OGDH: variants seen among roughly 807,000 people sequenced by gnomAD.
OGDH encodes the protein oxoglutarate dehydrogenase, also known as 2-oxoglutarate dehydrogenase complex component E1.
Under a neutral mutation model 116.6 loss-of-function variants are expected in OGDH, and 38 were observed. The ratio of observed to expected loss-of-function variants is 0.33; its 90% CI spans 0.25 to 0.43. The LOEUF (loss-of-function observed/expected upper bound fraction) is 0.43. OGDH is among the 20% of genes least tolerant of loss of function. The pLI is 1.00. For synonymous variants in OGDH, 488 were observed against 533.3 expected, an observed-to-expected ratio of 0.92 and a Z score of 1.17; for missense variants, 825 against 1,357.2, an observed-to-expected ratio of 0.61 and a Z score of 6.16.
intron 2 of OGDH, among the ~76,000 whole-genome samples, chr7:44,641,613 T>C (rs1430455824): frequency 6.6e-6 from 1 of 152,172 alleles, no homozygotes; most frequent in Non-Finnish European, 1.5e-5. Flanking sequence ...CTGCTCAGTT[T>C]CCTGCTGTAT....
chr7:44,640,451 T>G (rs1454755277), intron 2 of OGDH, among the ~76,000 whole-genome samples: 1 of 152,100 alleles, frequency 6.6e-6, no homozygotes, highest in East Asian at 1.9e-4. Context: ...TTTTTTTTGT[T>G]TTGTTTTGTT....
At chr7:44,680,539 TACACACACACACACACACACAC>T (rs56718274) in intron 9 of OGDH, among the ~76,000 whole-genome samples, 2 of 145,850 alleles carry the variant, frequency 1.4e-5, no homozygotes, top group Non-Finnish European at 1.5e-5. Flanking sequence ...TTTTATTGCA[TACACACACACACACACACACAC>T]ACACACACAC....
chr7:44,621,925 T>C (rs1340121149), intron 1 of OGDH, among the ~76,000 whole-genome samples: 1 of 151,970 alleles, frequency 6.6e-6, no homozygotes, highest in Admixed American at 6.6e-5. Context: ...CACTTAACTA[T>C]GTGTCAGATT....
chr7:44,694,075 G>C lies in OGDH; in HGVS notation c.1515+71G>C. 1 of 1,486,110 alleles carries C rather than the reference G, an allele frequency of 6.7e-7. No individual in the cohort carries two copies. The highest frequency in any genetic ancestry group is 9.1e-7 in the Non-Finnish European group (1 of 1,098,960). The allele number at this position is 1,486,110 out of a possible 1,614,324, so 92.1% of individuals were successfully genotyped here. On this transcript the variant is annotated intron_variant, in intron 11 of 22. Coordinates refer to ENST00000222673, the MANE Select transcript of OGDH (RefSeq NM_002541.4). The surrounding 1 kb of genome is among the most constrained non-coding windows in gnomAD (Gnocchi z 4.2). Reference sequence around the variant, plus strand: ...CACCCCTCTTGCCCTCGGCACCCCTGTGTCCCAAGGAGAGGAGCTTGTCTA... The same window carrying C: ...CACCCCTCTTGCCCTCGGCACCCCTCTGTCCCAAGGAGAGGAGCTTGTCTA...
rs1164825352 is a variant in OGDH, at chr7:44,624,556, T to C, written c.213T>C (p.Ser71=). The C allele has an allele frequency of 2.5e-6, 4 of 1,613,278 alleles. No homozygotes were observed. Among genetic ancestry groups the C allele is most frequent in the Non-Finnish European group, 3.4e-6 (4 of 1,179,942 alleles). ...MYCAWLENPK[S]VHKSWDIFFR... is the part of the protein sequence containing the mutation. ...GTGCTTGGCTGGAAAACCCCAAAAG[T>C]GTACATAAGGTAAGGCTCGCAGGGC... Residue 71 remains serine, a synonymous_variant, in exon 2 of 23, where the codon AGT becomes AGC. Transcript: ENST00000222673.
intron 2 of OGDH, among the ~76,000 whole-genome samples, chr7:44,636,545 A>C (rs912249353): frequency 7.9e-5 from 12 of 152,366 alleles, no homozygotes; most frequent in Middle Eastern, 3.4e-3. Context: ...GCTCCCTCAG[A>C]AAGGAGGCTG....
At chr7:44,691,937 G>A (rs1483700450) in intron 10 of OGDH, among the ~76,000 whole-genome samples, 2 of 144,438 alleles carry the variant, frequency 1.4e-5, no homozygotes, top group African/African-American at 5.4e-5. Flanking sequence ...AAGCAGAGGT[G>A]CACCACTGCA....
chr7:44,689,392 CTTTTTTTTTTTTTT>C (rs561058807), intron 10 of OGDH, among the ~76,000 whole-genome samples: 32 of 71,270 alleles, frequency 4.5e-4, no homozygotes, highest in African/African-American at 1.8e-3. Flanking sequence ...ATTTTTTTTT[CTTTTTTTTTTTTTT>C]TTTTTTTTTT....
chr7:44,657,082 G>A (rs1393858255), intron 4 of OGDH, among the ~76,000 whole-genome samples: 1 of 152,112 alleles, frequency 6.6e-6, no homozygotes, highest in African/African-American at 2.4e-5. Flanking sequence ...ATATGCACTT[G>A]TGACAAATAA....
At chr7:44,629,635 A>G (rs1049683215) in intron 2 of OGDH, among the ~76,000 whole-genome samples, 2 of 136,536 alleles carry the variant, frequency 1.5e-5, no homozygotes, top group Admixed American at 8.1e-5. Context: ...TCTGGAGTGC[A>G]GTGGCGCAGT....
intron 4 of OGDH, among the ~76,000 whole-genome samples, chr7:44,652,371 A>G (rs190140674): frequency 2.2e-3 from 342 of 152,216 alleles, no homozygotes; most frequent in Non-Finnish European, 3.5e-3. Context: ...CAGCCTCCCA[A>G]AGTGCTGGGA....
Position 44,707,538 on chromosome 7 carries a change from C to T in OGDH, c.2797-44C>T, listed in dbSNP as rs769880613. ...TTTCCCTTTGCTGGATCTTGCCTGCCCTCTGAGTTTCCTCTTTTTGATCTG... is the reference window on the plus strand; with the variant it reads ...TTTCCCTTTGCTGGATCTTGCCTGCTCTCTGAGTTTCCTCTTTTTGATCTG... On this transcript the variant is annotated intron_variant, in intron 21 of 22. Transcript: ENST00000222673. This position sits in a 1 kb window ranked among gnomAD's most constrained non-coding sequence, Gnocchi z 5.2. 2.5e-6 allele frequency: 4 copies of T among 1,609,078 alleles called. No homozygotes were observed. The highest frequency in any genetic ancestry group is 2.5e-6 in the Non-Finnish European group (3 of 1,177,828).
chr7:44,700,318 T>A, intron 19 of OGDH, 49 bp downstream of exon 19: 1 of 1,607,052 alleles, frequency 6.2e-7, no homozygotes, highest in Non-Finnish European at 8.5e-7. Context: ...CCCTGCCCTG[T>A]TGGTGCAGGG....
intron 4 of OGDH, among the ~76,000 whole-genome samples, chr7:44,666,033 G>A (rs1223838378): frequency 6.6e-6 from 1 of 152,198 alleles, no homozygotes. Flanking sequence ...ATTGGAGTCA[G>A]GAGATGGGAG....
intron 2 of OGDH, among the ~76,000 whole-genome samples, chr7:44,640,905 TTTTC>T (rs1785901891): frequency 6.6e-6 from 1 of 151,358 alleles, no homozygotes; most frequent in African/African-American, 2.4e-5. Context: ...GTTTTTTTTT[TTTTC>T]TTTGAGACAG....
intron 1 of OGDH, among the ~76,000 whole-genome samples, chr7:44,607,555 CTTT>C (rs1784402425): frequency 6.6e-6 from 1 of 152,100 alleles, no homozygotes; most frequent in Non-Finnish European, 1.5e-5. Flanking sequence ...GGGATAAAGC[CTTT>C]TTTTGTAAGG....
Position 44,645,500 on chromosome 7 carries a change from G to T in OGDH, c.396G>T (p.Ser132=). The change falls in exon 3 of 23, where the codon TCG becomes TCT. Residue 132 remains serine, a synonymous_variant. Coordinates refer to ENST00000222673, the MANE Select transcript of OGDH (RefSeq NM_002541.4). ...TGGAGGACCACCTGGCAGTGCAGTCGCTCATCAGGGCATATCAGGTAAGGC... is the reference window on the plus strand; with the variant it reads ...TGGAGGACCACCTGGCAGTGCAGTCTCTCATCAGGGCATATCAGGTAAGGC... ...KLVEDHLAVQ[S]LIRAYQIRGH... The T allele has an allele frequency of 6.2e-7, 1 of 1,614,072 alleles. No homozygotes were observed. Among genetic ancestry groups the T allele is most frequent in the African/African-American group, 1.3e-5 (1 of 75,032 alleles).
intron 20 of OGDH, among the ~76,000 whole-genome samples, chr7:44,705,823 G>T (rs925992680): frequency 3.3e-5 from 5 of 152,228 alleles, no homozygotes; most frequent in Non-Finnish European, 5.9e-5. Context: ...TAGTGCTTAA[G>T]TCAGGGTATT....
Position 44,693,989 on chromosome 7 carries a change from C to T in OGDH, c.1500C>T (p.Asp500=), listed in dbSNP as rs756598078. The change falls in exon 11 of 23, where the codon GAC becomes GAT. Residue 500 remains aspartate, a synonymous_variant. Coordinates refer to ENST00000222673, the MANE Select transcript of OGDH (RefSeq NM_002541.4). The stretch of plus-strand genomic sequence containing the variant: ...AGTGGAGGAGCACCTTCCACAAGGA[C>T]GTGGTTGTCGATTTGGTGAGTGACT... ...AAEWRSTFHK[D]VVVDLVCYRR... 3.1e-6 allele frequency: 5 copies of T among 1,612,138 alleles called. No homozygotes were observed. Among genetic ancestry groups the T allele is most frequent in the South Asian group, 2.2e-5 (2 of 91,016 alleles).
Sources: gnomAD v4.1 joint callset for allele counts (sites outside exome capture counted in the v4.1 genomes callset) on GRCh38, gnomAD v4.1.1 for gene constraint, Gnocchi (gnomAD v3.1) non-coding constraint, MANE v1.5 for transcripts, NCBI Gene and HGNC (gene_info 2026-07-23, HGNC 2026-07-21) for gene names.